CADPS: variants seen among roughly 807,000 people sequenced by gnomAD.
The protein encoded by CADPS is calcium dependent secretion activator, also known as calcium-dependent secretion activator 1.
A neutral mutation model predicts 167.3 loss-of-function variants in CADPS; 57 were observed. That is an observed-to-expected ratio of 0.34 (90% CI 0.28 to 0.42). The LOEUF (loss-of-function observed/expected upper bound fraction) is 0.42, where lower values mean the gene tolerates loss of function less well. CADPS is among the 20% of genes least tolerant of loss of function. The pLI is 1.00. For missense variants in CADPS, 1,414 were observed against 1,738.1 expected (o/e 0.81, Z 3.32); for synonymous variants, 676 against 635.3 (o/e 1.06, Z -0.96).
intron 1 of CADPS, among the ~76,000 whole-genome samples, chr3:62,849,173 T>G (rs2078055364): frequency 6.6e-6 from 1 of 150,750 alleles, no homozygotes; most frequent in Non-Finnish European, 1.5e-5. Flanking sequence ...AAGGAGATTT[T>G]GGGCTGAGAC....
At chr3:62,522,185 G>A (rs574838783) in intron 13 of CADPS, among the ~76,000 whole-genome samples, 2 of 152,130 alleles carry the variant, frequency 1.3e-5, no homozygotes, top group Admixed American at 1.3e-4. Flanking sequence ...AGCCTAAGGT[G>A]GAGTGCAGTG....
chr3:62,720,400 A>G (rs961280167), intron 3 of CADPS, among the ~76,000 whole-genome samples: 3 of 151,836 alleles, frequency 2.0e-5, no homozygotes, highest in Middle Eastern at 6.8e-3. Context: ...TGGTAAGATC[A>G]TAACATTGAA....
chr3:62,507,914 T>C (rs1051659556), intron 17 of CADPS, among the ~76,000 whole-genome samples: 2 of 152,216 alleles, frequency 1.3e-5, no homozygotes, highest in Non-Finnish European at 2.9e-5. Flanking sequence ...TTATTTAGAA[T>C]ATGTATTTTA....
At chr3:62,594,363 G>A (rs970157208) in intron 6 of CADPS, among the ~76,000 whole-genome samples, 8 of 151,538 alleles carry the variant, frequency 5.3e-5, no homozygotes, top group African/African-American at 1.7e-4. Flanking sequence ...CGGTTTCACC[G>A]TTTTAGCCGG....
At chr3:62,450,939 G>C (rs1380585619) in intron 26 of CADPS, among the ~76,000 whole-genome samples, 1 of 152,018 alleles carries the variant, frequency 6.6e-6, no homozygotes, top group African/African-American at 2.4e-5. Flanking sequence ...TTACAGCTTT[G>C]GACCTCCCAT....
At chr3:62,817,545 C>A (rs769542870) in intron 1 of CADPS, among the ~76,000 whole-genome samples, 26 of 152,206 alleles carry the variant, frequency 1.7e-4, no homozygotes, top group Middle Eastern at 6.8e-3. Flanking sequence ...TTTTTTATTC[C>A]TTTAATCCCT....
Position 62,574,292 on chromosome 3 carries a change from A to G in CADPS, c.1578-3354T>C, listed in dbSNP as rs138318895. Among the ~76,000 whole-genome samples the G allele has an allele frequency of 1.1e-3, 166 of 152,260 alleles. 1 individual carries two copies. The East Asian group carries it at 0.023, about 21-fold the overall frequency. ...AATGGGAAACTATGGCAGGGTTTTAAGAATGCAGGAGGGGTGACACCATCA... is the reference window on the plus strand; with the variant it reads ...AATGGGAAACTATGGCAGGGTTTTAGGAATGCAGGAGGGGTGACACCATCA... On this transcript the variant is annotated intron_variant, in intron 8 of 29. Transcript: ENST00000383710.
chr3:62,556,888 A>C (rs1352244532), intron 10 of CADPS, among the ~76,000 whole-genome samples: 2 of 151,790 alleles, frequency 1.3e-5, no homozygotes, highest in African/African-American at 2.4e-5. Flanking sequence ...AAGTGCTACC[A>C]GCTAACCTTA....
intron 17 of CADPS, among the ~76,000 whole-genome samples, chr3:62,503,436 T>C (rs1038178839): frequency 6.6e-6 from 1 of 152,186 alleles, no homozygotes; most frequent in African/African-American, 2.4e-5. Context: ...TCTGTAAAGC[T>C]CAAGATGCCT....
chr3:62,799,009 C>T (rs773501310), intron 1 of CADPS, among the ~76,000 whole-genome samples: 1 of 152,126 alleles, frequency 6.6e-6, no homozygotes, highest in Non-Finnish European at 1.5e-5. Context: ...TAGTATTACC[C>T]TATAGAGCTG....
At chr3:62,473,751 C>G (rs188349295) in intron 24 of CADPS, 4 of 151,428 alleles carry the variant, frequency 2.6e-5, no homozygotes, top group South Asian at 4.2e-4. Context: ...GCAGGGTGAT[C>G]TAACATTATA....
chr3:62,630,864 G>T (rs945202684), intron 6 of CADPS, among the ~76,000 whole-genome samples: 1 of 152,018 alleles, frequency 6.6e-6, no homozygotes, highest in Non-Finnish European at 1.5e-5. Context: ...GAGACTTGTG[G>T]TTTCAGTCAC....
intron 6 of CADPS, among the ~76,000 whole-genome samples, chr3:62,613,421 T>C (rs955152375): frequency 1.3e-5 from 2 of 152,192 alleles, no homozygotes; most frequent in Non-Finnish European, 2.9e-5. Context: ...CTCATAAGAC[T>C]CTTCTTCATA....
chr3:62,668,530 T>C (rs1310137866), intron 3 of CADPS, among the ~76,000 whole-genome samples: 1 of 152,198 alleles, frequency 6.6e-6, no homozygotes, highest in Non-Finnish European at 1.5e-5. Context: ...TTTCTTATCC[T>C]TCATCCTTCA....
chr3:62,420,831 AT>A lies in CADPS; in HGVS notation c.3777+17272del, dbSNP rs199572082. ...TCTACTTCTCACTGCATATGACTCT[AT>A]TTTTTTTCTCTTTATGGGAGGGAGA... On this transcript the variant is annotated intron_variant, in intron 28 of 29. Coordinates refer to ENST00000383710, the MANE Select transcript of CADPS (RefSeq NM_003716.4). The surrounding 1 kb of genome is among the most constrained non-coding windows in gnomAD (Gnocchi z 4.1). 7.4e-4 allele frequency among the ~76,000 whole-genome samples: 109 copies of A among 146,468 alleles called. No individual in the cohort carries two copies. The East Asian group carries it at 0.019, about 26-fold the overall frequency.
At chr3:62,823,533 G>C (rs2152946875) in intron 1 of CADPS, among the ~76,000 whole-genome samples, 1 of 152,208 alleles carries the variant, frequency 6.6e-6, no homozygotes, top group South Asian at 2.1e-4. Context: ...AGTGGTTGGG[G>C]CCAGAGAGCC....
chr3:62,843,151 A>G (rs1312045199), intron 1 of CADPS, among the ~76,000 whole-genome samples: 1 of 152,208 alleles, frequency 6.6e-6, no homozygotes, highest in Non-Finnish European at 1.5e-5. Flanking sequence ...TGATTTTATG[A>G]AGAATGATCT....
chr3:62,872,703 G>A (rs922660621), intron 1 of CADPS, among the ~76,000 whole-genome samples: 1 of 152,132 alleles, frequency 6.6e-6, no homozygotes, highest in Admixed American at 6.5e-5. Flanking sequence ...TTTCTGTTTA[G>A]AAGAACTGTG....
intron 17 of CADPS, among the ~76,000 whole-genome samples, chr3:62,512,057 A>G (rs2067960319): frequency 6.6e-6 from 1 of 152,168 alleles, no homozygotes; most frequent in Non-Finnish European, 1.5e-5. Flanking sequence ...AAATGTGCTC[A>G]ACTGTTAATT....
Sources: allele counts gnomAD v4.1 joint callset (sites outside exome capture counted in the v4.1 genomes callset), GRCh38; gene constraint gnomAD v4.1.1; non-coding constraint Gnocchi (gnomAD v3.1); transcripts MANE v1.5; gene names NCBI Gene and HGNC (gene_info 2026-07-23, HGNC 2026-07-21).